The following CSGALNACT1 variants were observed in gnomAD, a reference collection of about 807,000 sequenced individuals.
CSGALNACT1 encodes the protein chondroitin sulfate N-acetylgalactosaminyltransferase 1, also known as beta4GalNAcT-1.
In CSGALNACT1, 52 loss-of-function variants were observed where a neutral mutation model predicts 51.0. The observed-to-expected ratio is 1.02, with a 90% CI of 0.82 to 1.29. The LOEUF is 1.29. Among genes scored for constraint, CSGALNACT1 ranks in the 50% most tolerant of loss-of-function variants. The pLI is 0.00. For missense variants in CSGALNACT1, 935 were observed against 679.2 expected, an observed-to-expected ratio of 1.38 and a Z score of -4.19; for synonymous variants, 341 against 254.4, an observed-to-expected ratio of 1.34 and a Z score of -3.24.
intron 1 of CSGALNACT1, among the ~76,000 whole-genome samples, chr8:19,699,715 T>C (rs2061759991): frequency 1.3e-5 from 2 of 152,236 alleles, no homozygotes; most frequent in African/African-American, 2.4e-5. Context: ...ATGGCAGTGA[T>C]GGTTACAAAA....
At chr8:19,516,628 C>G (rs1225098493) in intron 3 of CSGALNACT1, among the ~76,000 whole-genome samples, 2 of 152,228 alleles carry the variant, frequency 1.3e-5, no homozygotes, top group Non-Finnish European at 2.9e-5. Context: ...GTGAGCCTTG[C>G]TCTGTCCCTG....
upstream of CSGALNACT1, among the ~76,000 whole-genome samples, chr8:19,686,634 T>C (rs187436380): frequency 2.0e-5 from 3 of 152,304 alleles, no homozygotes; most frequent in East Asian, 3.9e-4. Flanking sequence ...GGCATAAACA[T>C]TGGCCACATA....
chr8:19,704,840 A>T (rs2062069883), intron 1 of CSGALNACT1, among the ~76,000 whole-genome samples: 1 of 152,210 alleles, frequency 6.6e-6, no homozygotes, highest in Non-Finnish European at 1.5e-5. Context: ...AACAACCTAG[A>T]CATGGAAAGA....
intron 4 of CSGALNACT1, among the ~76,000 whole-genome samples, chr8:19,459,931 G>T (rs1030073900): frequency 1.3e-5 from 2 of 152,172 alleles, no homozygotes; most frequent in Non-Finnish European, 2.9e-5. Flanking sequence ...TCACTTGTCA[G>T]GTTGAAGATA....
At chr8:19,435,127 C>T (rs2060184093) in intron 6 of CSGALNACT1, among the ~76,000 whole-genome samples, 1 of 152,150 alleles carries the variant, frequency 6.6e-6, no homozygotes, top group Non-Finnish European at 1.5e-5. Flanking sequence ...TGCTCCTGGG[C>T]AAAGATGAAC....
intron 1 of CSGALNACT1, among the ~76,000 whole-genome samples, chr8:19,741,424 G>A (rs181650660): frequency 7.2e-5 from 11 of 152,190 alleles, no homozygotes; most frequent in South Asian, 4.2e-4. Flanking sequence ...TTAGCCGGGC[G>A]TGGTGGCACA....
At chr8:19,534,666 A>G (rs930945359) in intron 3 of CSGALNACT1, among the ~76,000 whole-genome samples, 3 of 152,174 alleles carry the variant, frequency 2.0e-5, no homozygotes, top group African/African-American at 7.2e-5. Context: ...GCAGACGGGA[A>G]TCGAAAACCG....
intron 1 of CSGALNACT1, among the ~76,000 whole-genome samples, chr8:19,658,425 G>T (rs753378524): frequency 2.0e-5 from 3 of 152,152 alleles, no homozygotes; most frequent in African/African-American, 4.8e-5. Context: ...AAAAGTCAAA[G>T]AGAGGAATCT....
At chr8:19,406,207 A>C in intron 9 of CSGALNACT1, 138 bp from the exon 9 acceptor site, 2 of 1,006,266 alleles carry the variant, frequency 2.0e-6, no homozygotes, top group Non-Finnish European at 3.1e-6. Context: ...AAGGTACGAG[A>C]GTGTCCACCT....
intron 6 of CSGALNACT1, among the ~76,000 whole-genome samples, chr8:19,435,232 C>T (rs551543917): frequency 3.3e-5 from 5 of 152,290 alleles, no homozygotes; most frequent in East Asian, 1.9e-4. Context: ...CGGTTGCTCA[C>T]GCCTGTAATC....
intron 5 of CSGALNACT1, chr8:19,457,679 T>A (rs1353137805): frequency 1.5e-6 from 2 of 1,302,954 alleles, no homozygotes; most frequent in Non-Finnish European, 2.0e-6. Context: ...GGATTTTCTA[T>A]GTTTAAAACA....
chr8:19,709,879 A>G (rs1180746930), intron 1 of CSGALNACT1, among the ~76,000 whole-genome samples: 1 of 152,154 alleles, frequency 6.6e-6, no homozygotes, highest in Non-Finnish European at 1.5e-5. Context: ...TCTGGGACTG[A>G]GTGCCTTCCA....
At chr8:19,432,727 T>C (rs139250032) in intron 6 of CSGALNACT1, among the ~76,000 whole-genome samples, 75 of 152,308 alleles carry the variant, frequency 4.9e-4, no homozygotes, top group African/African-American at 1.7e-3. Context: ...CCTTATTAAT[T>C]TTTCGTTTTT....
chr8:19,426,425 A>C (rs527545595), intron 6 of CSGALNACT1, among the ~76,000 whole-genome samples: 1 of 152,250 alleles, frequency 6.6e-6, no homozygotes, highest in African/African-American at 2.4e-5. Context: ...AATATGGTTC[A>C]AAGTTGAAGT....
At chr8:19,588,654 A>G (rs2047168976) in intron 3 of CSGALNACT1, among the ~76,000 whole-genome samples, 1 of 152,206 alleles carries the variant, frequency 6.6e-6, no homozygotes, top group Admixed American at 6.5e-5. Flanking sequence ...TGAAGCTTTC[A>G]TTCTAGATCT....
At chr8:19,751,650 C>A (rs999511372) in intron 1 of CSGALNACT1, among the ~76,000 whole-genome samples, 1 of 152,144 alleles carries the variant, frequency 6.6e-6, no homozygotes, top group African/African-American at 2.4e-5. Context: ...ATAATCCCCA[C>A]ATATGGAAGG....
intron 6 of CSGALNACT1, among the ~76,000 whole-genome samples, chr8:19,432,182 C>T (rs1395646668): frequency 2.0e-5 from 3 of 152,084 alleles, no homozygotes; most frequent in African/African-American, 7.2e-5. Context: ...ATTTGTTTAT[C>T]TGGGAATGTC....
intron 5 of CSGALNACT1, chr8:19,457,822 A>T (rs745863920): frequency 1.5e-6 from 2 of 1,350,946 alleles, no homozygotes; most frequent in Admixed American, 3.8e-5. Context: ...CAGGCCTGAA[A>T]AATGAAACCC....
intron 1 of CSGALNACT1, among the ~76,000 whole-genome samples, chr8:19,639,737 G>T (rs1387343585): frequency 6.6e-6 from 1 of 152,052 alleles, no homozygotes; most frequent in East Asian, 1.9e-4. Context: ...TCCACAACGT[G>T]CAACTGCTCT....
Sources: gnomAD v4.1 joint callset for allele counts (sites outside exome capture counted in the v4.1 genomes callset) on GRCh38, gnomAD v4.1.1 for gene constraint, MANE v1.5 for transcripts, NCBI Gene and HGNC (gene_info 2026-07-23, HGNC 2026-07-21) for gene names.